PTDSS1: variants seen among roughly 807,000 people sequenced by gnomAD.
The protein encoded by PTDSS1 is PSS-1.
Under a neutral mutation model 70.5 loss-of-function variants are expected in PTDSS1, and 45 were observed. The ratio of observed to expected loss-of-function variants is 0.64; its 90% CI spans 0.50 to 0.82. The LOEUF is 0.82. Among genes scored for constraint, PTDSS1 ranks in the 40% least tolerant of loss-of-function variants. PTDSS1 has a pLI of 0.00. For missense variants in PTDSS1, 417 were observed against 586.1 expected (o/e 0.71, Z 2.98); for synonymous variants, 188 against 203.8 (o/e 0.92, Z 0.66).
At chr8:96,301,511 T>C (rs1811050218) in intron 6 of PTDSS1, among the ~76,000 whole-genome samples, 1 of 152,082 alleles carries the variant, frequency 6.6e-6, no homozygotes, top group Admixed American at 6.6e-5. Flanking sequence ...CTTTTGTTTT[T>C]TTGTTTGTTT....
At chr8:96,326,457 G>A (rs952163782) in intron 10 of PTDSS1, among the ~76,000 whole-genome samples, 5 of 152,176 alleles carry the variant, frequency 3.3e-5, no homozygotes, top group Admixed American at 1.3e-4. Context: ...CTCAAGCACC[G>A]TGCCTGGTGC....
At chr8:96,312,829 G>C (rs1295953427) in intron 9 of PTDSS1, among the ~76,000 whole-genome samples, 2 of 152,172 alleles carry the variant, frequency 1.3e-5, no homozygotes, top group Non-Finnish European at 2.9e-5. Context: ...GACCCCGGAG[G>C]CCACCCACTT....
chr8:96,287,884 T>G (rs956249855), intron 4 of PTDSS1, among the ~76,000 whole-genome samples: 4 of 152,168 alleles, frequency 2.6e-5, no homozygotes, highest in African/African-American at 7.2e-5. Flanking sequence ...GTGTAGGTTT[T>G]TCCCACACCA....
rs554497990 is a variant in PTDSS1, at chr8:96,267,881, G to A, written c.180-5418G>A. Among the ~76,000 whole-genome samples the A allele has an allele frequency of 2.0e-5, 3 of 152,222 alleles. No homozygotes were observed. The East Asian group carries it at 5.8e-4, about 29-fold the overall frequency. On this transcript the variant is annotated intron_variant, in intron 1 of 12. Coordinates refer to ENST00000517309, the MANE Select transcript of PTDSS1 (RefSeq NM_014754.3). The stretch of plus-strand genomic sequence containing the variant: ...TCTCTCAGACTGGAAGGCACCTCCC[G>A]CCACCTCCTGCCCACACATGACACC...
intron 2 of PTDSS1, among the ~76,000 whole-genome samples, chr8:96,274,121 A>G (rs570292605): frequency 1.3e-5 from 2 of 150,796 alleles, no homozygotes; most frequent in East Asian, 3.9e-4. Context: ...AGCCACTTCT[A>G]AACGCTCACT....
intron 4 of PTDSS1, among the ~76,000 whole-genome samples, chr8:96,292,856 C>G (rs367723564): frequency 6.6e-6 from 1 of 152,344 alleles, no homozygotes; most frequent in African/African-American, 2.4e-5. Flanking sequence ...ACAAAAATTG[C>G]TGCATGGCTG....
intron 3 of PTDSS1, among the ~76,000 whole-genome samples, chr8:96,285,530 A>G (rs567709016): frequency 1.3e-5 from 2 of 152,366 alleles, no homozygotes; most frequent in South Asian, 4.1e-4. Flanking sequence ...CATTGATTCA[A>G]TAGTGCTGTT....
chr8:96,289,813 G>A (rs189042763), intron 4 of PTDSS1, among the ~76,000 whole-genome samples: 83 of 152,184 alleles, frequency 5.5e-4, no homozygotes, highest in African/African-American at 2.0e-3. Flanking sequence ...AATTTTTTAA[G>A]GGATATGCTT....
At chr8:96,291,198 G>A (rs918506968) in intron 4 of PTDSS1, among the ~76,000 whole-genome samples, 1 of 152,026 alleles carries the variant, frequency 6.6e-6, no homozygotes, top group Non-Finnish European at 1.5e-5. Flanking sequence ...TTAGAGCTTA[G>A]AGTCTACTAG....
chr8:96,296,784 T>A (rs1810982287), intron 5 of PTDSS1, among the ~76,000 whole-genome samples: 1 of 152,188 alleles, frequency 6.6e-6, no homozygotes, highest in Non-Finnish European at 1.5e-5. Flanking sequence ...AGGATTGGAT[T>A]CCAGATGTGA....
chr8:96,261,954 A>G lies in PTDSS1; in HGVS notation c.-87A>G, dbSNP rs543571934. ...CCAGACCCGGCTTTGCCGTCCGGCT[A>G]TTAGCCTACTGTGGCTAGTCACCCC... On this transcript the variant is annotated 5_prime_UTR_variant, in exon 1 of 13. Transcript: ENST00000517309. 339 of 1,383,782 alleles carry G rather than the reference A, an allele frequency of 2.4e-4. 1 individual carries two copies. Among genetic ancestry groups the G allele is most frequent in the South Asian group, 7.2e-4 (53 of 73,978 alleles). 85.7% of individuals were successfully genotyped at this position (1,383,782 alleles called of 1,614,324 possible).
chr8:96,265,917 C>A (rs1165786480), intron 1 of PTDSS1, among the ~76,000 whole-genome samples: 1 of 152,192 alleles, frequency 6.6e-6, no homozygotes, highest in African/African-American at 2.4e-5. Flanking sequence ...CATAGCAAGA[C>A]CCCATCTCTA....
At chr8:96,288,118 C>T (rs1169811195) in intron 4 of PTDSS1, among the ~76,000 whole-genome samples, 1 of 152,050 alleles carries the variant, frequency 6.6e-6, no homozygotes, top group Non-Finnish European at 1.5e-5. Flanking sequence ...TTTAAGTTTG[C>T]CGGCTTATTG....
Position 96,262,282 on chromosome 8 carries a change from T to TGGGTGGGGGGGG in PTDSS1, c.179+65_179+66insGTGGGGGGGGGG. On this transcript the variant is annotated intron_variant, in intron 1 of 12. Transcript: ENST00000517309. The surrounding 1 kb of genome is among the most constrained non-coding windows in gnomAD (Gnocchi z 4.4). ...GCTAGGGAAGAGGCGGGAGGGAGGG[T>TGGGTGGGGGGGG]GGCGGGGAGGGGGGCCCGGCATGGC... is the stretch of plus-strand genomic sequence containing the variant. 4 of 250,404 alleles carry TGGGTGGGGGGGG rather than the reference T, an allele frequency of 1.6e-5. No homozygotes were observed. Among genetic ancestry groups the TGGGTGGGGGGGG allele is most frequent in the Non-Finnish European group, 1.6e-5 (2 of 125,574 alleles). The allele number at this position is 250,404 out of a possible 1,614,324, so 15.5% of individuals were successfully genotyped here.
intron 4 of PTDSS1, among the ~76,000 whole-genome samples, chr8:96,288,544 G>A (rs148386996): frequency 0.012 from 1,767 of 147,808 alleles, 36 homozygotes; most frequent in African/African-American, 0.043. Context: ...CAGGCTGGTC[G>A]CAAACTCCTG....
At chr8:96,284,835 A>G (rs910345402) in intron 3 of PTDSS1, among the ~76,000 whole-genome samples, 3 of 152,240 alleles carry the variant, frequency 2.0e-5, no homozygotes, top group African/African-American at 7.2e-5. Context: ...CTATTTTGCT[A>G]TAGGCTGCCT....
chr8:96,301,831 A>G, intron 6 of PTDSS1, among the ~76,000 whole-genome samples: 1 of 151,738 alleles, frequency 6.6e-6, no homozygotes, highest in East Asian at 1.9e-4. Flanking sequence ...CTAGTTCTTT[A>G]GTGGTTTTAC....
At chr8:96,278,970 C>A (rs1810690672) in intron 2 of PTDSS1, among the ~76,000 whole-genome samples, 1 of 137,140 alleles carries the variant, frequency 7.3e-6, no homozygotes, top group African/African-American at 2.9e-5. Context: ...CATTCAGCCC[C>A]CCTTTTTTTT....
chr8:96,327,005 G>A (rs1811447385), intron 10 of PTDSS1, among the ~76,000 whole-genome samples: 2 of 152,224 alleles, frequency 1.3e-5, no homozygotes, highest in African/African-American at 4.8e-5. Context: ...GTGGCCACCA[G>A]TGCTAGCGAC....
Sources: allele counts gnomAD v4.1 joint callset (sites outside exome capture counted in the v4.1 genomes callset), GRCh38; gene constraint gnomAD v4.1.1; non-coding constraint Gnocchi (gnomAD v3.1); transcripts MANE v1.5; gene names NCBI Gene and HGNC (gene_info 2026-07-23, HGNC 2026-07-21).